PRTG: variants seen among roughly 807,000 people sequenced by gnomAD.
PRTG encodes immunoglobulin superfamily, DCC subclass, member 5.
Under a neutral mutation model 122.5 loss-of-function variants are expected in PRTG, and 67 were observed. The observed-to-expected ratio is 0.55, with a 90% CI of 0.45 to 0.67. PRTG has a LOEUF of 0.67. Ranked by LOEUF, PRTG falls within the 30% of genes least tolerant of loss-of-function variation. The pLI, the probability that PRTG is intolerant of heterozygous loss-of-function variation, is 0.00. For synonymous variants in PRTG, 554 were observed against 501.1 expected (o/e 1.11, Z -1.41); for missense variants, 1,435 against 1,415.4 (o/e 1.01, Z -0.22).
chr15:55,720,235 C>G (rs1477555185), intron 2 of PRTG, among the ~76,000 whole-genome samples: 1 of 151,844 alleles, frequency 6.6e-6, no homozygotes, highest in Non-Finnish European at 1.5e-5. Flanking sequence ...AAAGATTTAG[C>G]CGGGCTACTT....
rs972794534 is a variant in PRTG at position 55,612,944 on chromosome 15, A to T, written c.*7068T>A. 1.3e-5 allele frequency: 2 copies of T among 151,860 alleles called. No individual in the cohort carries two copies. The highest frequency in any genetic ancestry group is 4.8e-5 in the African/African-American group (2 of 41,310). 9.4% of individuals were successfully genotyped at this position (151,860 alleles called of 1,614,324 possible). The stretch of plus-strand genomic sequence containing the variant: ...ACATTTTTCATTTCAACAAAGGCAA[A>T]ATATAATTGCAAAGGCTGACTTGAA... On this transcript the variant is annotated 3_prime_UTR_variant, in exon 20 of 20. Transcript: ENST00000389286.
chr15:55,740,416 G>A lies in PRTG; in HGVS notation c.363C>T (p.Ala121=), dbSNP rs1420101800. ...CAAGATGAGCTTTTTGACTAAGAAT[G>A]GCTCCATATTTGTTCATTGCCAAGC... is the stretch of plus-strand genomic sequence containing the variant. ...YQCLAMNKYG[A]ILSQKAHLAL... is the part of the protein sequence containing the mutation. Residue 121 remains alanine (A), a synonymous_variant, in exon 2 of 20, where the codon GCC becomes GCT. Coordinates refer to ENST00000389286, the MANE Select transcript of PRTG (RefSeq NM_173814.6). The A allele has an allele frequency of 6.2e-7, 1 of 1,610,366 alleles. No individual in the cohort carries two copies. The highest frequency in any genetic ancestry group is 2.2e-5 in the East Asian group (1 of 44,820).
intron 17 of PRTG, among the ~76,000 whole-genome samples, chr15:55,625,296 T>C (rs925858382): frequency 1.3e-5 from 2 of 152,224 alleles, no homozygotes; most frequent in African/African-American, 2.4e-5. Context: ...ACTCAATCCA[T>C]GTTTATTACA....
intron 2 of PRTG, among the ~76,000 whole-genome samples, chr15:55,695,131 A>C (rs1278867785): frequency 6.6e-6 from 1 of 152,238 alleles, no homozygotes; most frequent in African/African-American, 2.4e-5. Context: ...AGTCAGAAAA[A>C]AAAACATTAA....
intron 2 of PRTG, among the ~76,000 whole-genome samples, chr15:55,708,167 A>AAAAAAAAAC (rs2030219946): frequency 7.5e-6 from 1 of 133,056 alleles, no homozygotes; most frequent in Admixed American, 7.8e-5. Flanking sequence ...AAAAAAAAAA[A>AAAAAAAAAC]AAAAAAAAAA....
intron 2 of PRTG, among the ~76,000 whole-genome samples, chr15:55,705,740 C>G (rs2030080257): frequency 6.6e-6 from 1 of 152,116 alleles, no homozygotes; most frequent in Non-Finnish European, 1.5e-5. Context: ...TGTGCTCAGT[C>G]TCCTACCTAT....
intron 2 of PRTG, among the ~76,000 whole-genome samples, chr15:55,731,362 CATT>C (rs1263805231): frequency 2.3e-5 from 3 of 128,894 alleles, no homozygotes; most frequent in Middle Eastern, 3.9e-3. Context: ...TACACCTTAT[CATT>C]CTTTTTTTTT....
Position 55,628,514 on chromosome 15 carries a change from C to A in PRTG, c.2806+308G>T, listed in dbSNP as rs554267948. ...ACTGCTGTTTATTTCTGTGAAACCT[C>A]TCAGGAAGCCCACTCCTACCAGTTC... On this transcript the variant is annotated intron_variant, in intron 16 of 19. Transcript: ENST00000389286. Among the ~76,000 whole-genome samples the A allele has an allele frequency of 4.1e-4, 63 of 152,212 alleles. 1 individual carries two copies. In the East Asian group the frequency reaches 0.011, roughly 27 times the overall value.
At chr15:55,644,004 G>A (rs574828845) in intron 11 of PRTG, among the ~76,000 whole-genome samples, 2 of 151,284 alleles carry the variant, frequency 1.3e-5, no homozygotes, top group African/African-American at 2.4e-5. Context: ...AGCTGGGACT[G>A]CAGGCACACA....
rs59080250 is a variant in PRTG, at chr15:55,629,375, A to ATGTGTGTGTG, written c.2624-381_2624-372dup. On this transcript the variant is annotated intron_variant, in intron 15 of 19. Transcript: ENST00000389286. ...TTTGGCTTTGTATATATATATATAT[A>ATGTGTGTGTG]TGTGTGTGTGTGTGTGTGTGTGTGT... 3.3e-3 allele frequency among the ~76,000 whole-genome samples: 156 copies of ATGTGTGTGTG among 47,892 alleles called. 1 individual carries two copies. Among genetic ancestry groups the ATGTGTGTGTG allele is most frequent in the Admixed American group, 8.7e-3 (40 of 4,572 alleles). The allele number at this position is 47,892 out of a possible 152,430, so 31.4% of individuals were successfully genotyped here. A position where few individuals can be genotyped will look rare whatever the true frequency, so the allele number is the denominator to read the frequency against.
chr15:55,715,480 G>C (rs934273511), intron 2 of PRTG, among the ~76,000 whole-genome samples: 4 of 152,214 alleles, frequency 2.6e-5, no homozygotes, highest in African/African-American at 9.6e-5. Context: ...CTGAGCAGAC[G>C]TGGGGCCTTG....
At chr15:55,742,378 G>C (rs2141901469) in intron 1 of PRTG, 1 of 155,450 alleles carries the variant, frequency 6.4e-6, no homozygotes, top group South Asian at 2.0e-4. Flanking sequence ...GAAGCCGCGA[G>C]GAACCGCGGC....
At chr15:55,626,960 G>T in intron 17 of PRTG, 48 bp downstream of exon 17, 3 of 1,526,352 alleles carry the variant, frequency 2.0e-6, no homozygotes, top group Non-Finnish European at 2.6e-6. Context: ...TGTGGCTACC[G>T]TAATTTAAAT....
rs1262468360 is a variant in PRTG at position 55,675,548 on chromosome 15, T to A, written c.1517A>T (p.Asp506Val). The A allele has an allele frequency of 6.2e-7, 1 of 1,612,318 alleles. No individual in the cohort carries two copies. The highest frequency in any genetic ancestry group is 1.7e-5 in the Admixed American group (1 of 60,002). The change falls in exon 9 of 20, where the codon GAC (aspartate) becomes GTC (valine). Residue 506 changes from aspartate (D) to valine (V), a missense_variant. Transcript: ENST00000389286. ...YMPMGASQMSDHVTQNTLEDV... is the reference protein window; with the variant it reads ...YMPMGASQMSVHVTQNTLEDV... The stretch of plus-strand genomic sequence containing the variant: ...CTCTAGAGTATTCTGTGTCACATGG[T>A]CAGACATCTGGCTGGCTCCCATTGG...
chr15:55,693,987 G>A (rs868447926), intron 2 of PRTG, among the ~76,000 whole-genome samples: 16 of 152,022 alleles, frequency 1.1e-4, no homozygotes, highest in South Asian at 2.1e-4. Context: ...ATTTTTTTCC[G>A]TTATTTTCTA....
At chr15:55,724,493 G>GT (rs1398371989) in intron 2 of PRTG, among the ~76,000 whole-genome samples, 2 of 152,122 alleles carry the variant, frequency 1.3e-5, no homozygotes, top group Non-Finnish European at 2.9e-5. Flanking sequence ...GCTCACATGT[G>GT]TAACCCCAGC....
chr15:55,621,120 A>C (rs1424785202), intron 18 of PRTG, among the ~76,000 whole-genome samples: 2 of 152,186 alleles, frequency 1.3e-5, no homozygotes, highest in Non-Finnish European at 2.9e-5. Context: ...TTGGGAGGGC[A>C]AGGTGGGTGG....
chr15:55,622,265 C>T (rs2059170700), intron 18 of PRTG, among the ~76,000 whole-genome samples: 1 of 139,760 alleles, frequency 7.2e-6, no homozygotes. Flanking sequence ...GTTGCCCAGG[C>T]TGGAGAATAT....
At chr15:55,696,836 C>T (rs936129209) in intron 2 of PRTG, among the ~76,000 whole-genome samples, 3 of 152,138 alleles carry the variant, frequency 2.0e-5, no homozygotes, top group South Asian at 2.1e-4. Context: ...CCATGAAATA[C>T]ATTTTGCTTT....
Sources: gnomAD v4.1 joint callset for allele counts (sites outside exome capture counted in the v4.1 genomes callset) on GRCh38, gnomAD v4.1.1 for gene constraint, MANE v1.5 for transcripts, NCBI Gene and HGNC (gene_info 2026-07-23, HGNC 2026-07-21) for gene names.